Variants in P4HA1 observed in about 807,000 individuals in gnomAD.
P4HA1 encodes the protein prolyl 4-hydroxylase subunit alpha-1.
In P4HA1, 24 loss-of-function variants were observed where a neutral mutation model predicts 72.8. That is an observed-to-expected ratio of 0.33 (90% CI 0.24 to 0.46). P4HA1 has a LOEUF of 0.46. P4HA1 is among the 20% of genes least tolerant of loss of function. The pLI, the probability that P4HA1 is intolerant of heterozygous loss-of-function variation, is 1.00. For synonymous variants in P4HA1, 201 were observed against 218.8 expected (o/e 0.92, Z 0.72); for missense variants, 446 against 640.6 (o/e 0.70, Z 3.28).
chr10:73,029,653 T>TTC (rs1161460137), intron 10 of P4HA1, among the ~76,000 whole-genome samples: 1 of 151,892 alleles, frequency 6.6e-6, no homozygotes, highest in East Asian at 1.9e-4. Flanking sequence ...TTTTTTTTTT[T>TTC]TACTATTGAA....
At chr10:73,094,771 G>A (rs556397521) in intron 1 of P4HA1, among the ~76,000 whole-genome samples, 13 of 152,150 alleles carry the variant, frequency 8.5e-5, no homozygotes, top group Non-Finnish European at 1.5e-4. Flanking sequence ...AAAAAGCCAA[G>A]ATTCATCTGC....
chr10:73,030,612 A>T (rs547310580), intron 9 of P4HA1, among the ~76,000 whole-genome samples: 1 of 152,282 alleles, frequency 6.6e-6, no homozygotes, highest in East Asian at 1.9e-4. Flanking sequence ...TAATGCTTAT[A>T]TGAAAACAGT....
chr10:73,065,718 G>C (rs1363221220), intron 5 of P4HA1, among the ~76,000 whole-genome samples: 1 of 152,102 alleles, frequency 6.6e-6, no homozygotes, highest in Non-Finnish European at 1.5e-5. Flanking sequence ...AATACCCTAT[G>C]ATTTCTTATA....
chr10:73,077,317 G>A (rs1038295972), intron 1 of P4HA1, among the ~76,000 whole-genome samples: 4 of 152,186 alleles, frequency 2.6e-5, no homozygotes, highest in African/African-American at 9.7e-5. Flanking sequence ...ACTCTGATAA[G>A]AGAGTTTAGA....
chr10:73,008,092 GGGATGAGGTTCAT>G lies in P4HA1; in HGVS notation c.*117_*129del. On this transcript the variant is annotated 3_prime_UTR_variant, in exon 15 of 15. Transcript: ENST00000394890. The stretch of plus-strand genomic sequence containing the variant: ...AAGCAATTGTCCACAGATGAAACAT[GGGATGAGGTTCAT>G]GACTGAATCAATCATGGAGTGTTAG... 1.8e-6 allele frequency: 1 copy of G among 540,752 alleles called. No homozygotes were observed. The highest frequency in any genetic ancestry group is 3.4e-6 in the Non-Finnish European group (1 of 296,382). The allele number at this position is 540,752 out of a possible 1,614,324, so 33.5% of individuals were successfully genotyped here.
At chr10:73,050,777 C>G (rs1487833934) in intron 7 of P4HA1, among the ~76,000 whole-genome samples, 1 of 151,732 alleles carries the variant, frequency 6.6e-6, no homozygotes, top group African/African-American at 2.4e-5. Flanking sequence ...GTAATCATAA[C>G]TCACTGTGCC....
chr10:73,034,919 G>A (rs999070249), intron 9 of P4HA1, among the ~76,000 whole-genome samples: 1 of 151,622 alleles, frequency 6.6e-6, no homozygotes, highest in Non-Finnish European at 1.5e-5. Flanking sequence ...TTATAAGCAG[G>A]GTATCAGAAA....
At chr10:73,095,261 G>C (rs1842138774) in intron 1 of P4HA1, among the ~76,000 whole-genome samples, 1 of 150,248 alleles carries the variant, frequency 6.7e-6, no homozygotes, top group Non-Finnish European at 1.5e-5. Flanking sequence ...AAAATCACGG[G>C]GTGTGTATTC....
intron 10 of P4HA1, among the ~76,000 whole-genome samples, chr10:73,029,374 C>T (rs1449802328): frequency 6.8e-6 from 1 of 146,874 alleles, no homozygotes; most frequent in Non-Finnish European, 1.5e-5. Flanking sequence ...CATGTCACTG[C>T]ACTCCAGCTT....
intron 9 of P4HA1, among the ~76,000 whole-genome samples, chr10:73,037,894 T>C (rs1840636592): frequency 6.6e-6 from 1 of 152,026 alleles, no homozygotes; most frequent in Non-Finnish European, 1.5e-5. Context: ...ATATATATTA[T>C]ACTTTAATAC....
At position 73,081,977 on chromosome 10, in the gene P4HA1, C is replaced by T. The variant is rs537085136; in HGVS notation, c.-32-7062G>A. On this transcript the variant is annotated intron_variant, in intron 1 of 14. Transcript: ENST00000394890. ...TTTACAGTGAGCCAAGATGGCACCA[C>T]CACACTCTAGCCTGGGCAACAGAGC... Among the ~76,000 whole-genome samples, 27 of 152,318 alleles carry T rather than the reference C, an allele frequency of 1.8e-4. No homozygotes were observed. In the South Asian group the frequency reaches 5.6e-3, roughly 32 times the overall value.
At chr10:73,087,807 A>C (rs1484526707) in intron 1 of P4HA1, among the ~76,000 whole-genome samples, 1 of 151,968 alleles carries the variant, frequency 6.6e-6, no homozygotes, top group Non-Finnish European at 1.5e-5. Flanking sequence ...TTCCTTATAC[A>C]GTCTATTTTT....
Position 73,068,780 on chromosome 10 carries a change from T to C in P4HA1, c.463+66A>G. On this transcript the variant is annotated intron_variant, in intron 5 of 14. Coordinates refer to ENST00000394890, the MANE Select transcript of P4HA1 (RefSeq NM_001017962.3). Reference sequence around the variant, plus strand: ...ATGCAAGTCTTTTTTATACTAACATTGTGTTAATGGACTCAACAGAGAAGC... The same window carrying C: ...ATGCAAGTCTTTTTTATACTAACATCGTGTTAATGGACTCAACAGAGAAGC... The C allele has an allele frequency of 4.0e-6, 5 of 1,261,844 alleles. No individual in the cohort carries two copies. The South Asian group carries it at 6.3e-5, about 16-fold the overall frequency. The allele number at this position is 1,261,844 out of a possible 1,614,324, so 78.2% of individuals were successfully genotyped here. A position where few individuals can be genotyped will look rare whatever the true frequency, so the allele number is the denominator to read the frequency against.
At chr10:73,077,200 A>C (rs1841716655) in intron 1 of P4HA1, among the ~76,000 whole-genome samples, 1 of 152,256 alleles carries the variant, frequency 6.6e-6, no homozygotes, top group African/African-American at 2.4e-5. Flanking sequence ...TTTCTGTTTA[A>C]ACATACTTCT....
chr10:73,058,115 AAAAAG>A (rs1841201959), intron 5 of P4HA1, among the ~76,000 whole-genome samples: 2 of 150,614 alleles, frequency 1.3e-5, no homozygotes, highest in African/African-American at 4.9e-5. Flanking sequence ...AAAAAAAAAA[AAAAAG>A]GTGAATAAAG....
intron 10 of P4HA1, among the ~76,000 whole-genome samples, chr10:73,017,243 A>C (rs1013630567): frequency 1.3e-5 from 2 of 150,036 alleles, no homozygotes; most frequent in African/African-American, 5.0e-5. Flanking sequence ...ATAGATATCT[A>C]TATCTACAGA....
chr10:73,083,637 A>G lies in P4HA1; in HGVS notation c.-32-8722T>C, dbSNP rs539054279. Among the ~76,000 whole-genome samples, 8 of 152,168 alleles carry G rather than the reference A, an allele frequency of 5.3e-5. No homozygotes were observed. The South Asian group carries it at 1.2e-3, about 24-fold the overall frequency. ...CCTTTTCTCTTTCTTCAAGAAACTGACCCCTTTTACCTTTTTCTGGCACTC... is the reference window on the plus strand; with the variant it reads ...CCTTTTCTCTTTCTTCAAGAAACTGGCCCCTTTTACCTTTTTCTGGCACTC... On this transcript the variant is annotated intron_variant, in intron 1 of 14. Coordinates refer to ENST00000394890, the MANE Select transcript of P4HA1 (RefSeq NM_001017962.3).
intron 9 of P4HA1, among the ~76,000 whole-genome samples, chr10:73,033,806 G>T (rs1840497082): frequency 6.6e-6 from 1 of 152,222 alleles, no homozygotes; most frequent in Admixed American, 6.5e-5. Flanking sequence ...GCAAATCTTT[G>T]TGACGTTGGA....
intron 7 of P4HA1, among the ~76,000 whole-genome samples, chr10:73,048,091 G>A (rs1256893995): frequency 6.6e-6 from 1 of 151,994 alleles, no homozygotes; most frequent in Non-Finnish European, 1.5e-5. Context: ...TGTCACATAA[G>A]CAGGAATATG....
Sources: allele counts gnomAD v4.1 joint callset (sites outside exome capture counted in the v4.1 genomes callset), GRCh38; gene constraint gnomAD v4.1.1; transcripts MANE v1.5; gene names NCBI Gene and HGNC (gene_info 2026-07-23, HGNC 2026-07-21).